Variants in SGCD observed in about 807,000 individuals in gnomAD.
SGCD encodes the protein delta-sarcoglycan.
In SGCD, 18 loss-of-function variants were observed where a neutral mutation model predicts 36.6. That is an observed-to-expected ratio of 0.49 (90% CI 0.34 to 0.73). The LOEUF (loss-of-function observed/expected upper bound fraction) is 0.73. Among genes scored for constraint, SGCD ranks in the 30% least tolerant of loss-of-function variants. SGCD has a pLI of 0.01. For synonymous variants in SGCD, 133 were observed against 130.6 expected, an observed-to-expected ratio of 1.02 and a Z score of -0.12; for missense variants, 387 against 346.7, an observed-to-expected ratio of 1.12 and a Z score of -0.92.
At chr5:156,437,198 G>T (rs1753280358) in intron 3 of SGCD, among the ~76,000 whole-genome samples, 1 of 151,986 alleles carries the variant, frequency 6.6e-6, no homozygotes, top group Non-Finnish European at 1.5e-5. Flanking sequence ...TATTTTAATT[G>T]CCATCCTTGT....
At chr5:156,037,221 G>A (rs1426917721) in intron 1 of SGCD, among the ~76,000 whole-genome samples, 1 of 152,208 alleles carries the variant, frequency 6.6e-6, no homozygotes. Context: ...TCTGGGAGGT[G>A]GGTGAAAGCT....
chr5:156,515,835 G>T (rs1202177561), intron 4 of SGCD, among the ~76,000 whole-genome samples: 1 of 152,220 alleles, frequency 6.6e-6, no homozygotes, highest in Non-Finnish European at 1.5e-5. Context: ...TCCCCTGCTG[G>T]TGCCCTGGAG....
At chr5:156,423,840 G>C (rs1394681145) in intron 3 of SGCD, among the ~76,000 whole-genome samples, 1 of 151,884 alleles carries the variant, frequency 6.6e-6, no homozygotes, top group African/African-American at 2.4e-5. Context: ...TCATCTATAG[G>C]ATATTAACAG....
chr5:156,372,839 T>C (rs1359968306), intron 3 of SGCD, among the ~76,000 whole-genome samples: 2 of 152,144 alleles, frequency 1.3e-5, no homozygotes, highest in Non-Finnish European at 2.9e-5. Flanking sequence ...TCTAAATACA[T>C]GTCTTTCAGG....
chr5:156,085,565 C>T (rs946958212), intron 1 of SGCD, among the ~76,000 whole-genome samples: 1 of 152,206 alleles, frequency 6.6e-6, no homozygotes, highest in Non-Finnish European at 1.5e-5. Context: ...CCAATTAAAC[C>T]TCTTTTCTTT....
At chr5:156,559,356 G>A (rs447938) in intron 4 of SGCD, among the ~76,000 whole-genome samples, 21,579 of 152,122 alleles carry the variant, frequency 0.14, 1,627 homozygotes, top group East Asian at 0.18. Flanking sequence ...GTGTAAGAAA[G>A]GTATCAGTAG....
intron 1 of SGCD, among the ~76,000 whole-genome samples, chr5:156,102,965 G>T (rs1218460448): frequency 1.3e-5 from 2 of 152,012 alleles, no homozygotes; most frequent in African/African-American, 4.8e-5. Flanking sequence ...AATCGTGTTG[G>T]ATTACACAGT....
chr5:156,594,709 T>C (rs1366430430), intron 5 of SGCD, among the ~76,000 whole-genome samples: 15 of 152,206 alleles, frequency 9.9e-5, no homozygotes, highest in Admixed American at 9.8e-4. Flanking sequence ...CCCAAGAATA[T>C]ATTACTAAAA....
At chr5:156,512,556 T>G (rs916499044) in intron 4 of SGCD, among the ~76,000 whole-genome samples, 5 of 152,348 alleles carry the variant, frequency 3.3e-5, no homozygotes, top group Non-Finnish European at 7.3e-5. Context: ...TTTCTCATAA[T>G]GTATCCTCAT....
intron 1 of SGCD, among the ~76,000 whole-genome samples, chr5:155,885,416 CTTA>C (rs1755976628): frequency 1.7e-5 from 2 of 115,500 alleles, no homozygotes; most frequent in Non-Finnish European, 3.3e-5. Flanking sequence ...TTGAAAACAG[CTTA>C]TTGAGTTAGG....
intron 1 of SGCD, among the ~76,000 whole-genome samples, chr5:156,010,037 C>T (rs184028863): frequency 6.6e-6 from 1 of 152,224 alleles, no homozygotes; most frequent in Non-Finnish European, 1.5e-5. Flanking sequence ...CTTTGGTCTG[C>T]TTACAAGCTT....
chr5:156,011,507 C>A (rs1459677786), intron 1 of SGCD, among the ~76,000 whole-genome samples: 3 of 151,680 alleles, frequency 2.0e-5, no homozygotes, highest in Non-Finnish European at 4.4e-5. Flanking sequence ...GTGTCGTGAT[C>A]TTGGCTCACT....
chr5:155,845,252 G>T, the SGCD span, among the ~76,000 whole-genome samples: 1 of 152,130 alleles, frequency 6.6e-6, no homozygotes, highest in Non-Finnish European at 1.5e-5. Context: ...TCCATTTATA[G>T]TAATTACTAC....
intron 3 of SGCD, among the ~76,000 whole-genome samples, chr5:156,470,418 G>T (rs904779474): frequency 6.6e-6 from 1 of 151,868 alleles, no homozygotes; most frequent in African/African-American, 2.4e-5. Flanking sequence ...ATGTATACAT[G>T]TGCCATGCCG....
the SGCD span, among the ~76,000 whole-genome samples, chr5:155,789,648 C>T: frequency 1.3e-5 from 2 of 151,976 alleles, no homozygotes; most frequent in African/African-American, 2.4e-5. Context: ...GTAAAAATGC[C>T]TCTTAAAGTT....
At chr5:155,893,838 A>G (rs1046729226) in intron 1 of SGCD, among the ~76,000 whole-genome samples, 3 of 152,264 alleles carry the variant, frequency 2.0e-5, no homozygotes, top group African/African-American at 7.2e-5. Flanking sequence ...GGTATAGCCT[A>G]TAGCCTATTA....
At chr5:156,080,223 G>T (rs1760914658) in intron 1 of SGCD, among the ~76,000 whole-genome samples, 1 of 152,190 alleles carries the variant, frequency 6.6e-6, no homozygotes, top group African/African-American at 2.4e-5. Context: ...CTCCTGGGGT[G>T]GTGGAGTGCA....
At chr5:156,252,680 G>C (rs1401068699) in intron 3 of SGCD, among the ~76,000 whole-genome samples, 7 of 152,152 alleles carry the variant, frequency 4.6e-5, no homozygotes, top group Non-Finnish European at 8.8e-5. Flanking sequence ...GCCTGAAGCA[G>C]TTTACCAGCA....
At chr5:156,383,566 G>A (rs1214262190) in intron 3 of SGCD, among the ~76,000 whole-genome samples, 1 of 152,042 alleles carries the variant, frequency 6.6e-6, no homozygotes, top group Non-Finnish European at 1.5e-5. Context: ...TAGGAGTCCT[G>A]GGGCTGCTCT....
Sources: gnomAD v4.1 joint callset for allele counts (sites outside exome capture counted in the v4.1 genomes callset) on GRCh38, gnomAD v4.1.1 for gene constraint, MANE v1.5 for transcripts, NCBI Gene and HGNC (gene_info 2026-07-23, HGNC 2026-07-21) for gene names.